ENTREP2: variants seen among roughly 807,000 people sequenced by gnomAD.
ENTREP2 encodes protein ENTREP2.
chr15:29,447,784 C>T, the ENTREP2 span, among the ~76,000 whole-genome samples: 33 of 152,028 alleles, frequency 2.2e-4, no homozygotes, highest in Non-Finnish European at 1.2e-4. Context: ...TGGGCTTGGC[C>T]GGGCGTGGTG....
the ENTREP2 span, among the ~76,000 whole-genome samples, chr15:29,454,997 A>G: frequency 6.6e-6 from 1 of 152,200 alleles, no homozygotes; most frequent in Admixed American, 6.5e-5. Flanking sequence ...CCATGGAAAG[A>G]GGAAATCCGT....
At chr15:29,615,159 C>CTT in the ENTREP2 span, among the ~76,000 whole-genome samples, 1 of 142,300 alleles carries the variant, frequency 7.0e-6, no homozygotes. Flanking sequence ...ATTTTTTTTT[C>CTT]TTTTTTTTTT....
chr15:29,555,209 A>T, the ENTREP2 span, among the ~76,000 whole-genome samples: 2 of 152,156 alleles, frequency 1.3e-5, no homozygotes, highest in Non-Finnish European at 2.9e-5. Context: ...ACCTCTGGGG[A>T]GAGGAGAGAG....
chr15:29,233,684 C>T, the ENTREP2 span: 2 of 1,111,270 alleles, frequency 1.8e-6, no homozygotes, highest in Non-Finnish European at 1.4e-6. Flanking sequence ...CATAGCGCAT[C>T]TCCTGTTGCA....
the ENTREP2 span, among the ~76,000 whole-genome samples, chr15:29,341,568 C>T: frequency 6.6e-6 from 1 of 152,210 alleles, no homozygotes; most frequent in Non-Finnish European, 1.5e-5. Flanking sequence ...ATATGCAACA[C>T]ACGCTCACAT....
At chr15:29,321,837 G>C in the ENTREP2 span, among the ~76,000 whole-genome samples, 1 of 151,968 alleles carries the variant, frequency 6.6e-6, no homozygotes, top group African/African-American at 2.4e-5. Context: ...GAGTGGGCGG[G>C]GAGGGAGAGC....
chr15:29,665,852 C>CTTTTT, the ENTREP2 span, among the ~76,000 whole-genome samples: 1 of 131,096 alleles, frequency 7.6e-6, no homozygotes, highest in African/African-American at 3.0e-5. Context: ...TTTACATCAT[C>CTTTTT]TTTTTTTTTT....
chr15:29,218,961 C>T, the ENTREP2 span, among the ~76,000 whole-genome samples: 2 of 151,966 alleles, frequency 1.3e-5, no homozygotes, highest in African/African-American at 2.4e-5. Context: ...CAAAGATAGT[C>T]GGGACTTCAA....
chr15:29,254,772 G>A, the ENTREP2 span, among the ~76,000 whole-genome samples: 1 of 152,158 alleles, frequency 6.6e-6, no homozygotes, highest in African/African-American at 2.4e-5. Flanking sequence ...CAGGAGAATT[G>A]CTTGAACCCA....
the ENTREP2 span, among the ~76,000 whole-genome samples, chr15:29,215,013 C>T: frequency 6.6e-6 from 1 of 152,088 alleles, no homozygotes; most frequent in Non-Finnish European, 1.5e-5. Context: ...TCTTGATGAC[C>T]TTGTCTTGTG....
the ENTREP2 span, among the ~76,000 whole-genome samples, chr15:29,433,838 T>C: frequency 2.0e-5 from 3 of 150,928 alleles, no homozygotes; most frequent in Non-Finnish European, 4.4e-5. Flanking sequence ...CATTCTCCTT[T>C]CCTAAAGCGA....
the ENTREP2 span, chr15:29,610,416 C>A: frequency 3.3e-5 from 5 of 150,400 alleles, no homozygotes; most frequent in African/African-American, 4.9e-5. Flanking sequence ...GGGTACACTG[C>A]GATGCTTCAT....
the ENTREP2 span, among the ~76,000 whole-genome samples, chr15:29,264,424 G>A: frequency 3.3e-5 from 5 of 152,122 alleles, no homozygotes; most frequent in African/African-American, 1.2e-4. Context: ...CTGCAGTGGA[G>A]GCACATGACA....
chr15:29,309,782 C>A, the ENTREP2 span, among the ~76,000 whole-genome samples: 1 of 126,332 alleles, frequency 7.9e-6, no homozygotes, highest in African/African-American at 3.5e-5. Flanking sequence ...GAGTAAGACT[C>A]TGTCTCAAAA....
the ENTREP2 span, among the ~76,000 whole-genome samples, chr15:29,236,799 A>G: frequency 1.3e-5 from 2 of 152,346 alleles, no homozygotes; most frequent in East Asian, 1.9e-4. Context: ...TCCAGAAACT[A>G]GAAGTGAAGA....
the ENTREP2 span, among the ~76,000 whole-genome samples, chr15:29,362,367 C>CTTTTTTTTT: frequency 2.0e-4 from 18 of 91,502 alleles, no homozygotes; most frequent in East Asian, 3.7e-4. Flanking sequence ...TGTTTTTAAT[C>CTTTTTTTTT]TTTTTTTTTT....
At chr15:29,207,046 T>C in the ENTREP2 span, among the ~76,000 whole-genome samples, 1 of 152,118 alleles carries the variant, frequency 6.6e-6, no homozygotes, top group East Asian at 1.9e-4. Context: ...CGCGAGTGGC[T>C]CAAAGCTACT....
the ENTREP2 span, among the ~76,000 whole-genome samples, chr15:29,623,522 G>A: frequency 6.6e-6 from 1 of 152,166 alleles, no homozygotes; most frequent in East Asian, 1.9e-4. Flanking sequence ...CAGGCAATCT[G>A]GGTTTAGAGG....
At chr15:29,300,569 T>C in the ENTREP2 span, among the ~76,000 whole-genome samples, 1 of 152,182 alleles carries the variant, frequency 6.6e-6, no homozygotes, top group East Asian at 1.9e-4. Context: ...TACCAAGATT[T>C]ATTATGAGAA....
Sources: gnomAD v4.1 joint callset for allele counts (sites outside exome capture counted in the v4.1 genomes callset) on GRCh38, gnomAD v4.1.1 for gene constraint, MANE v1.5 for transcripts, NCBI Gene and HGNC (gene_info 2026-07-23, HGNC 2026-07-21) for gene names.